Variants in RAC1 observed in about 807,000 individuals in gnomAD.
RAC1 encodes the protein ras-related C3 botulinum toxin substrate 1.
A neutral mutation model predicts 25.2 loss-of-function variants in RAC1; 2 were observed. The ratio of observed to expected loss-of-function variants is 0.08; its 90% CI spans 0.03 to 0.25. The LOEUF (loss-of-function observed/expected upper bound fraction) is 0.25, where lower values mean the gene tolerates loss of function less well. RAC1 is among the 10% of genes least tolerant of loss of function. RAC1 has a pLI of 1.00. For missense variants in RAC1, 50 were observed against 235.7 expected (o/e 0.21, Z 5.16); for synonymous variants, 88 against 94.0 (o/e 0.94, Z 0.37).
intron 2 of RAC1, among the ~76,000 whole-genome samples, chr7:6,387,769 A>C (rs1217374188): frequency 6.6e-6 from 1 of 152,098 alleles, no homozygotes; most frequent in Non-Finnish European, 1.5e-5. Context: ...TAAACTTTTC[A>C]CAACTTTGCT....
At position 6,403,708 on chromosome 7, in the gene RAC1, C is replaced by T. The variant is rs944738632; in HGVS notation, c.*1262C>T. Reference sequence around the variant, plus strand: ...ATACTGACCCTCTTTACCTCGCCCACGCGGACACACGCCTCCTGTAGTCGC... The same window carrying T: ...ATACTGACCCTCTTTACCTCGCCCATGCGGACACACGCCTCCTGTAGTCGC... On this transcript the variant is annotated 3_prime_UTR_variant, in exon 6 of 6. Transcript: ENST00000348035. 2.4e-4 allele frequency: 51 copies of T among 208,450 alleles called. No individual in the cohort carries two copies. Among genetic ancestry groups the T allele is most frequent in the African/African-American group, 4.8e-4 (21 of 43,926 alleles). The allele number at this position is 208,450 out of a possible 1,614,324, so 12.9% of individuals were successfully genotyped here.
rs1292265567 is a variant in RAC1 at position 6,403,803 on chromosome 7, CAACTT to C, written c.*1362_*1366del. ...GTGCTAGTGCTGACGATGTTCTGTA[CAACTT>C]AACTCACTGGCGAGAATACAGCGTG... On this transcript the variant is annotated 3_prime_UTR_variant, in exon 6 of 6. Transcript: ENST00000348035. 1 of 216,008 alleles carries C rather than the reference CAACTT, an allele frequency of 4.6e-6. No individual in the cohort carries two copies. Among genetic ancestry groups the C allele is most frequent in the East Asian group, 6.9e-5 (1 of 14,502 alleles). The allele number at this position is 216,008 out of a possible 1,614,324, so 13.4% of individuals were successfully genotyped here.
At chr7:6,386,766 G>GC (rs566006519) in intron 1 of RAC1, among the ~76,000 whole-genome samples, 21 of 148,650 alleles carry the variant, frequency 1.4e-4, no homozygotes, top group Non-Finnish European at 2.8e-4. Context: ...TCCAGCTGGG[G>GC]CGACAGCACG....
intron 1 of RAC1, among the ~76,000 whole-genome samples, chr7:6,380,431 G>A (rs190903722): frequency 2.5e-4 from 38 of 151,986 alleles, no homozygotes; most frequent in Admixed American, 5.2e-4. Context: ...GTAAAAGTTT[G>A]GAGTTGGGCT....
chr7:6,376,169 A>G (rs1046520895), intron 1 of RAC1, among the ~76,000 whole-genome samples: 1 of 125,248 alleles, frequency 8.0e-6, no homozygotes, highest in Non-Finnish European at 1.6e-5. Flanking sequence ...TATGTAGGCT[A>G]TTCAGGCTTT....
chr7:6,385,464 A>G (rs905314323), intron 1 of RAC1, among the ~76,000 whole-genome samples: 31 of 152,206 alleles, frequency 2.0e-4, no homozygotes, highest in African/African-American at 7.0e-4. Flanking sequence ...CCTGGGTCTC[A>G]AATCTGGGCT....
Position 6,383,284 on chromosome 7 carries a change from G to A in RAC1, c.36-3928G>A, listed in dbSNP as rs187024530. Reference sequence around the variant, plus strand: ...TTGACTTGGTTTGTGGAAGCGCAGCGTGGACAAGGAATGAATATACACTAA... The same window carrying A: ...TTGACTTGGTTTGTGGAAGCGCAGCATGGACAAGGAATGAATATACACTAA... On this transcript the variant is annotated intron_variant, in intron 1 of 5. Transcript: ENST00000348035. 2.1e-4 allele frequency among the ~76,000 whole-genome samples: 32 copies of A among 152,318 alleles called. 1 individual carries two copies. Among genetic ancestry groups the A allele is most frequent in the Admixed American group, 1.6e-3 (24 of 15,282 alleles).
rs1309811783 is a variant in RAC1 at position 6,387,236 on chromosome 7, G to C, written c.60G>C (p.Leu20=). 1 of 1,574,624 alleles carries C rather than the reference G, an allele frequency of 6.4e-7. No homozygotes were observed. The highest frequency in any genetic ancestry group is 8.6e-7 in the Non-Finnish European group (1 of 1,165,326). Residue 20 remains leucine (L), a synonymous_variant, in exon 2 of 6, where the codon CTG becomes CTC. Transcript: ENST00000348035. ...GDGAVGKTCL[L]ISYTTNAFPG... is the part of the protein sequence containing the mutation. ...GAGCTGTAGGTAAAACTTGCCTACT[G>C]ATCAGTTACACAACCAATGCATTTC...
chr7:6,374,581 C>A lies in RAC1; in HGVS notation c.-155C>A. On this transcript the variant is annotated 5_prime_UTR_variant, in exon 1 of 6. Coordinates refer to ENST00000348035, the MANE Select transcript of RAC1 (RefSeq NM_006908.5). The stretch of plus-strand genomic sequence containing the variant: ...GGTGGTGGCCGCTGCCGGGCATCGG[C>A]TTCCAGTCCGCGGAGGGCGAGGCGG... 1 of 284,792 alleles carries A rather than the reference C, an allele frequency of 3.5e-6. No individual in the cohort carries two copies. The highest frequency in any genetic ancestry group is 5.6e-6 in the Non-Finnish European group (1 of 179,720). 17.6% of individuals were successfully genotyped at this position (284,792 alleles called of 1,614,324 possible). A position where few individuals can be genotyped will look rare whatever the true frequency, so the allele number is the denominator to read the frequency against.
intron 1 of RAC1, among the ~76,000 whole-genome samples, chr7:6,375,060 CCCT>C (rs35052936): frequency 0.035 from 5,399 of 152,140 alleles, 126 homozygotes; most frequent in South Asian, 0.098. Flanking sequence ...CCGCCCGCCG[CCCT>C]CCTCGGGAGC....
intron 3 of RAC1, chr7:6,398,516 G>T: frequency 1.5e-6 from 1 of 652,294 alleles, no homozygotes; most frequent in Non-Finnish European, 2.6e-6. Flanking sequence ...ATTTGTCATC[G>T]AAGATATGTT....
At chr7:6,386,437 C>T (rs529557989) in intron 1 of RAC1, among the ~76,000 whole-genome samples, 3 of 152,108 alleles carry the variant, frequency 2.0e-5, no homozygotes, top group Admixed American at 6.5e-5. Context: ...CTTAAGGCAG[C>T]AGAATAAGTT....
chr7:6,388,186 C>G (rs997840954), intron 2 of RAC1, among the ~76,000 whole-genome samples: 3 of 151,898 alleles, frequency 2.0e-5, no homozygotes, highest in East Asian at 1.9e-4. Context: ...GTAGCTGAGC[C>G]TCATAATGCA....
chr7:6,391,257 G>A (rs1783085415), intron 2 of RAC1, among the ~76,000 whole-genome samples: 1 of 151,618 alleles, frequency 6.6e-6, no homozygotes, highest in Non-Finnish European at 1.5e-5. Context: ...CTGTGCAGAG[G>A]AAACACTATT....
chr7:6,399,070 T>G (rs1024028615), intron 3 of RAC1, among the ~76,000 whole-genome samples: 3 of 151,920 alleles, frequency 2.0e-5, no homozygotes, highest in Admixed American at 6.6e-5. Flanking sequence ...TGCCGGGGCC[T>G]TCTTTCTCCG....
chr7:6,393,648 T>A (rs1490954056), intron 3 of RAC1, among the ~76,000 whole-genome samples: 1 of 152,172 alleles, frequency 6.6e-6, no homozygotes. Context: ...ACTTCATGTT[T>A]CCTCTGTGTG....
chr7:6,387,930 A>G (rs1172015009), intron 2 of RAC1, among the ~76,000 whole-genome samples: 1 of 152,052 alleles, frequency 6.6e-6, no homozygotes, highest in Non-Finnish European at 1.5e-5. Flanking sequence ...TTTCAGATAC[A>G]CTGGCTTTCT....
chr7:6,394,878 G>A (rs1251076824), intron 3 of RAC1, among the ~76,000 whole-genome samples: 2 of 151,530 alleles, frequency 1.3e-5, no homozygotes, highest in Non-Finnish European at 2.9e-5. Flanking sequence ...TTTTTGAGAC[G>A]GAGTCTTGCT....
At position 6,390,043 on chromosome 7, in the gene RAC1, CTCCT is replaced by C. The variant is rs1297560760; in HGVS notation, c.108-1874_108-1871del. Reference sequence around the variant, plus strand: ...CCTCTCCTACTCCTTCCCTCCTTCCCTCCTTCCTTCTCCTTTCTTTTCCCCTCCC... The same window carrying C: ...CCTCTCCTACTCCTTCCCTCCTTCCCTCCTTCTCCTTTCTTTTCCCCTCCC... On this transcript the variant is annotated intron_variant, in intron 2 of 5. Coordinates refer to ENST00000348035, the MANE Select transcript of RAC1 (RefSeq NM_006908.5). Among the ~76,000 whole-genome samples the C allele has an allele frequency of 2.6e-4, 29 of 112,816 alleles. No individual in the cohort carries two copies. The Middle Eastern group carries it at 0.013, about 51-fold the overall frequency. 74.0% of individuals were successfully genotyped at this position (112,816 alleles called of 152,430 possible). A position where few individuals can be genotyped will look rare whatever the true frequency, so the allele number is the denominator to read the frequency against.
Sources: gnomAD v4.1 joint callset for allele counts (sites outside exome capture counted in the v4.1 genomes callset) on GRCh38, gnomAD v4.1.1 for gene constraint, MANE v1.5 for transcripts, NCBI Gene and HGNC (gene_info 2026-07-23, HGNC 2026-07-21) for gene names.